Variants in DDHD2 observed in about 807,000 individuals in gnomAD.
The protein encoded by DDHD2 is triacylglycerol hydrolase DDHD2.
Under a neutral mutation model 91.2 loss-of-function variants are expected in DDHD2, and 62 were observed. That is an observed-to-expected ratio of 0.68 (90% confidence interval 0.55 to 0.84). The LOEUF is 0.84. DDHD2 is among the 40% of genes least tolerant of loss of function. DDHD2 has a pLI of 0.00. For synonymous variants in DDHD2, 271 were observed against 293.9 expected, an observed-to-expected ratio of 0.92 and a Z score of 0.80; for missense variants, 740 against 846.9, an observed-to-expected ratio of 0.87 and a Z score of 1.57.
At chr8:38,272,572 T>A (rs1467001435), downstream of DDHD2, 1 of 152,224 alleles carries the variant, frequency 6.6e-6, no homozygotes, top group Non-Finnish European at 1.5e-5. Flanking sequence ...CAGGATTTCA[T>A]CTTTAGCTCT....
At chr8:38,237,442 T>G (rs1443482591) in intron 3 of DDHD2, 96 bp from the exon 4 acceptor site, 8 of 609,178 alleles carry the variant, frequency 1.3e-5, no homozygotes, top group African/African-American at 1.2e-4. Context: ...TAGGATATTC[T>G]TATTGAAACT....
At chr8:38,268,806 C>T in intron 1 of DDHD2, 1 of 1,451,148 alleles carries the variant, frequency 6.9e-7, no homozygotes. Flanking sequence ...AAGGCCGTCT[C>T]GGGGTGGAAA....
chr8:38,267,298 G>A (rs761833568), downstream of DDHD2: 1 of 1,613,974 alleles, frequency 6.2e-7, no homozygotes. Flanking sequence ...AGCTCTTTCG[G>A]CCCTCATTCA....
At chr8:38,270,350 C>T (rs770623823) in intron 1 of DDHD2, 1 of 152,272 alleles carries the variant, frequency 6.6e-6, no homozygotes, top group Non-Finnish European at 1.5e-5. Flanking sequence ...AAAACGGAGT[C>T]TGTAGGTATC....
chr8:38,266,984 C>T (rs1220311219), downstream of DDHD2: 7 of 1,255,920 alleles, frequency 5.6e-6, no homozygotes, highest in Non-Finnish European at 7.2e-6. Context: ...AGAAACTCTT[C>T]GTTAAAGGTA....
chr8:38,247,768 T>G lies in DDHD2; in HGVS notation c.1181T>G (p.Leu394Trp). ...QGDTPTLEEDLKKLQLSEFFD... is the reference protein window; with the variant it reads ...QGDTPTLEEDWKKLQLSEFFD... ...GATACACCTACACTAGAGGAAGATT[T>G]GAAGAAACTTCAGCTCTCTGAATTC... The change falls in exon 10 of 18, where the codon TTG (leucine) becomes TGG (tryptophan). Residue 394 changes from leucine to tryptophan, a missense_variant. Around this residue, in one of 2 missense-constraint regions of DDHD2, gnomAD observed 693 missense variants for 764.2 expected, o/e 0.91. Transcript: ENST00000397166. 6.3e-7 allele frequency: 1 copy of G among 1,581,648 alleles called. No homozygotes were observed. Among genetic ancestry groups the G allele is most frequent in the Non-Finnish European group, 8.6e-7 (1 of 1,161,466 alleles).
downstream of DDHD2, chr8:38,263,998 G>A (rs183861658): frequency 2.0e-6 from 2 of 985,978 alleles, no homozygotes; most frequent in South Asian, 4.7e-5. Context: ...AGATGAGCAG[G>A]GGCAAAAGTG....
At chr8:38,267,924 G>A (rs910046694) in intron 1 of DDHD2, 2 of 1,613,886 alleles carry the variant, frequency 1.2e-6, no homozygotes, top group African/African-American at 1.3e-5. Context: ...TATTGTGTTG[G>A]TAAAGACGCC....
At chr8:38,253,808 A>G (rs1806299357) in intron 16 of DDHD2, 90 bp downstream of exon 16, 2 of 1,340,448 alleles carry the variant, frequency 1.5e-6, no homozygotes, top group African/African-American at 2.9e-5. Context: ...GGCCAGGTGC[A>G]TTGGCTCAGG....
Position 38,245,924 on chromosome 8 carries a change from G to A in DDHD2, c.1031G>A (p.Gly344Asp), listed in dbSNP as rs1805601935. 3.1e-6 allele frequency: 5 copies of A among 1,613,822 alleles called. No homozygotes were observed. The highest frequency in any genetic ancestry group is 4.2e-6 in the Non-Finnish European group (5 of 1,180,018). The change falls in exon 8 of 18, where the codon GGT (glycine) becomes GAT (aspartate). Residue 344 changes from glycine to aspartate, a missense_variant. This residue lies in a region of DDHD2 where 693 missense variants were observed against 764.2 expected (regional missense o/e 0.91). Coordinates refer to ENST00000397166, the MANE Select transcript of DDHD2 (RefSeq NM_015214.3). ...CAGAGGAACCCTGATTTCAAAGGGG[G>A]TGTATCCATTGCTGGTCATAGTTTA... ...FLQRNPDFKG[G>D]VSIAGHSLGS... is the part of the protein sequence containing the mutation.
At chr8:38,251,027 C>A (rs1261330852) in intron 11 of DDHD2, 1 of 152,150 alleles carries the variant, frequency 6.6e-6, no homozygotes, top group African/African-American at 2.4e-5. Context: ...CACTGAATTT[C>A]TAACTCCATA....
intron 1 of DDHD2, chr8:38,268,707 C>T (rs1808136870): frequency 1.4e-6 from 2 of 1,432,604 alleles, no homozygotes; most frequent in African/African-American, 1.4e-5. Context: ...GGCTCGGACA[C>T]CCTCCTCTCT....
intron 5 of DDHD2, among the ~76,000 whole-genome samples, chr8:38,240,012 C>T (rs972643155): frequency 6.6e-6 from 1 of 151,350 alleles, no homozygotes; most frequent in African/African-American, 2.4e-5. Flanking sequence ...CGTGAGCCAC[C>T]GCGCCCAGCC....
At position 38,242,378 on chromosome 8, in the gene DDHD2, G is replaced by A; in HGVS notation, c.841G>A (p.Val281Met). The A allele has an allele frequency of 6.2e-7, 1 of 1,610,550 alleles. No homozygotes were observed. The highest frequency in any genetic ancestry group is 8.5e-7 in the Non-Finnish European group (1 of 1,179,014). Reference sequence around the variant, plus strand: ...GCACAGTCCTTTGCATTCTACTGGTGTGGATGTGTGAGTAATACTTAATAC... The same window carrying A: ...GCACAGTCCTTTGCATTCTACTGGTATGGATGTGTGAGTAATACTTAATAC... ...NWHSPLHSTG[V>M]DVDLQRITLP... Residue 281 changes from valine (V) to methionine (M), a missense_variant, in exon 7 of 18, where the codon GTG becomes ATG. Coordinates refer to ENST00000397166, the MANE Select transcript of DDHD2 (RefSeq NM_015214.3).
In DDHD2 at chr8:38,252,151, G is replaced by A. The variant is rs146163106; in HGVS notation, c.1481G>A (p.Arg494Gln). The A allele has an allele frequency of 3.3e-5, 53 of 1,613,812 alleles. No individual in the cohort carries two copies. The African/African-American group carries it at 3.6e-4, about 11-fold the overall frequency. The change falls in exon 13 of 18, where the codon CGG becomes CAG. Residue 494 changes from arginine (R) to glutamine (Q), a missense_variant. Transcript: ENST00000397166. ...TTTGAGGTGTCTGTGAAATACCCCC[G>A]GCTCATCTATAAACCAGAGATATTC... ...GIGQVSVKYP[R>Q]LIYKPEIFFA...
intron 3 of DDHD2, among the ~76,000 whole-genome samples, chr8:38,235,063 T>C (rs968221884): frequency 3.9e-5 from 6 of 152,244 alleles, no homozygotes; most frequent in African/African-American, 1.4e-4. Flanking sequence ...GAAAAAGATA[T>C]GAATTAGATT....
At chr8:38,243,811 T>G (rs1805422105) in intron 7 of DDHD2, among the ~76,000 whole-genome samples, 1 of 150,088 alleles carries the variant, frequency 6.7e-6, no homozygotes, top group South Asian at 2.1e-4. Context: ...TTTTTATCTT[T>G]TTTTTTTTTT....
rs114154599 is a variant in DDHD2, at chr8:38,241,470, G to A, written c.713-780G>A. On this transcript the variant is annotated intron_variant, in intron 6 of 17. Transcript: ENST00000397166. ...GAGCTTTGCTCTGTTGCCCAGGCTG[G>A]AGTGTAGTGGTGTAAACTCAGCTCA... 7.3e-3 allele frequency among the ~76,000 whole-genome samples: 1,109 copies of A among 151,842 alleles called. 12 individuals are homozygous for A. Among genetic ancestry groups the A allele is most frequent in the African/African-American group, 0.025 (1,049 of 41,412 alleles).
chr8:38,233,860 C>T (rs945446154), intron 2 of DDHD2, among the ~76,000 whole-genome samples: 3 of 149,714 alleles, frequency 2.0e-5, no homozygotes, highest in African/African-American at 4.9e-5. Context: ...ACCCGGGAGG[C>T]GGAGGTTACA....
Sources: allele counts gnomAD v4.1 joint callset (sites outside exome capture counted in the v4.1 genomes callset), GRCh38; gene constraint gnomAD v4.1.1; regional missense constraint gnomAD v4.1.1; transcripts MANE v1.5; gene names NCBI Gene and HGNC (gene_info 2026-07-23, HGNC 2026-07-21).